GTF3C1: variants seen among roughly 807,000 people sequenced by gnomAD.
The protein encoded by GTF3C1 is general transcription factor IIIC subunit 1.
Under a neutral mutation model 226.7 loss-of-function variants are expected in GTF3C1, and 57 were observed. The ratio of observed to expected loss-of-function variants is 0.25; its 90% CI spans 0.20 to 0.31. GTF3C1 has a LOEUF of 0.31. Among genes scored for constraint, GTF3C1 ranks in the 10% least tolerant of loss-of-function variants. The pLI is 1.00. For missense variants in GTF3C1, 2,217 were observed against 2,776.1 expected (o/e 0.80, Z 4.53); for synonymous variants, 1,090 against 1,084.8 (o/e 1.00, Z -0.09).
rs746954012 is a variant in GTF3C1 at position 27,470,275 on chromosome 16, A to G, written c.4647T>C (p.Asn1549=). 3 of 1,613,990 alleles carry G rather than the reference A, an allele frequency of 1.9e-6. No individual in the cohort carries two copies. The highest frequency in any genetic ancestry group is 2.2e-5 in the East Asian group (1 of 44,882). Residue 1549 remains asparagine (N), a synonymous_variant, in exon 31 of 37, where the codon AAT becomes AAC. Transcript: ENST00000356183. This position sits in a 1 kb window ranked among gnomAD's most constrained non-coding sequence, Gnocchi z 4.9. ...CCACCATGTCGTTTGTGGGCTCGTTATTATCCTGGTCTTTGAAAGAGAAAC... is the reference window on the plus strand; with the variant it reads ...CCACCATGTCGTTTGTGGGCTCGTTGTTATCCTGGTCTTTGAAAGAGAAAC... The part of the protein sequence containing the change: ...PDRFSFKDQD[N]NEPTNDMVAF...
rs753699967 is a variant in GTF3C1 at position 27,506,024 on chromosome 16, T to G, written c.1645A>C (p.Ser549Arg). The stretch of plus-strand genomic sequence containing the variant: ...CTGGTATCTAAGAGGCTGTCCCTGC[T>G]GGCAAGGCTCTGGCAGGCTCTCTCT... ...AEERACQSLASRDSLLDTSSV... is the reference protein window; with the variant it reads ...AEERACQSLARRDSLLDTSSV... Residue 549 changes from serine (S) to arginine (R), a missense_variant, in exon 10 of 37, where the codon AGC (serine) becomes CGC (arginine). Coordinates refer to ENST00000356183, the MANE Select transcript of GTF3C1 (RefSeq NM_001520.4). 6.2e-7 allele frequency: 1 copy of G among 1,613,106 alleles called. No homozygotes were observed. Among genetic ancestry groups the G allele is most frequent in the Non-Finnish European group, 8.5e-7 (1 of 1,178,988 alleles).
intron 28 of GTF3C1, among the ~76,000 whole-genome samples, chr16:27,477,554 A>G (rs907502359): frequency 2.0e-5 from 3 of 152,198 alleles, no homozygotes; most frequent in Non-Finnish European, 2.9e-5. Flanking sequence ...ATCCGCCGGC[A>G]GCGCCCTCCC....
rs748345601 is a variant in GTF3C1, at chr16:27,492,716, A to T, written c.2877-3T>A. The T allele has an allele frequency of 6.6e-7, 1 of 1,519,536 alleles. No individual in the cohort carries two copies. Among genetic ancestry groups the T allele is most frequent in the Non-Finnish European group, 9.1e-7 (1 of 1,093,596 alleles). 94.1% of individuals were successfully genotyped at this position (1,519,536 alleles called of 1,614,324 possible). On this transcript the variant is annotated splice_region_variant and splice_polypyrimidine_tract_variant and intron_variant, in intron 17 of 36. Transcript: ENST00000356183. The surrounding 1 kb of genome is among the most constrained non-coding windows in gnomAD (Gnocchi z 5.0). ...CCACCACCGAAAAAATGTAACGCCT[A>T]GAAAACAGAGGGGGCGGGAGGTTCT...
intron 29 of GTF3C1, among the ~76,000 whole-genome samples, chr16:27,472,208 C>A (rs1398699797): frequency 6.6e-6 from 1 of 152,160 alleles, no homozygotes; most frequent in Non-Finnish European, 1.5e-5. Flanking sequence ...CACTCCCAAG[C>A]CGATTTCTTT....
intron 2 of GTF3C1, among the ~76,000 whole-genome samples, chr16:27,539,805 C>T (rs541096942): frequency 1.4e-4 from 21 of 152,240 alleles, no homozygotes; most frequent in Non-Finnish European, 2.8e-4. Flanking sequence ...AGGAGTGGGA[C>T]GTCCTTTCCA....
intron 6 of GTF3C1, among the ~76,000 whole-genome samples, chr16:27,515,027 T>C (rs146304435): frequency 1.2e-3 from 183 of 152,278 alleles, no homozygotes; most frequent in African/African-American, 4.3e-3. Flanking sequence ...CTTAAGAGGC[T>C]AATTGGCTAG....
At chr16:27,485,952 T>G in intron 24 of GTF3C1, 45 bp downstream of exon 24, 1 of 1,422,180 alleles carries the variant, frequency 7.0e-7, no homozygotes, top group South Asian at 1.3e-5. Context: ...AGGAAGGAGC[T>G]CCGAGTGAGG....
At chr16:27,479,614 A>G (rs1243173740) in intron 27 of GTF3C1, among the ~76,000 whole-genome samples, 1 of 152,126 alleles carries the variant, frequency 6.6e-6, no homozygotes, top group Non-Finnish European at 1.5e-5. Flanking sequence ...GATTACAGGC[A>G]CGTGCCACCA....
At chr16:27,483,593 G>T (rs188853325) in intron 25 of GTF3C1, among the ~76,000 whole-genome samples, 36 of 152,348 alleles carry the variant, frequency 2.4e-4, no homozygotes, top group Non-Finnish European at 4.6e-4. Flanking sequence ...AAAATGAAGG[G>T]GAAGGCGACC....
At chr16:27,517,921 C>T (rs777132882) in intron 6 of GTF3C1, among the ~76,000 whole-genome samples, 3 of 152,142 alleles carry the variant, frequency 2.0e-5, no homozygotes, top group African/African-American at 2.4e-5. Flanking sequence ...ATCAGAAGCA[C>T]GATTCATAGT....
At chr16:27,477,505 A>G (rs1182798829) in intron 28 of GTF3C1, among the ~76,000 whole-genome samples, 1 of 152,104 alleles carries the variant, frequency 6.6e-6, no homozygotes, top group African/African-American at 2.4e-5. Flanking sequence ...GGGTTTCACC[A>G]TGTTGGCCAG....
At chr16:27,520,394 C>A (rs972218136) in intron 6 of GTF3C1, among the ~76,000 whole-genome samples, 1 of 152,170 alleles carries the variant, frequency 6.6e-6, no homozygotes, top group Non-Finnish European at 1.5e-5. Context: ...GGATTACAGG[C>A]ATGAGCCACC....
chr16:27,489,189 G>A lies in GTF3C1; in HGVS notation c.3294-11C>T. On this transcript the variant is annotated splice_polypyrimidine_tract_variant and intron_variant, in intron 20 of 36. Coordinates refer to ENST00000356183, the MANE Select transcript of GTF3C1 (RefSeq NM_001520.4). Reference sequence around the variant, plus strand: ...ACCTCACGGCTTCCACTAAAAGACAGGAAATCAACAGAAAAGAGCCCTTCT... The same window carrying A: ...ACCTCACGGCTTCCACTAAAAGACAAGAAATCAACAGAAAAGAGCCCTTCT... The A allele has an allele frequency of 1.2e-6, 2 of 1,613,668 alleles. No individual in the cohort carries two copies. Among genetic ancestry groups the A allele is most frequent in the Middle Eastern group, 1.7e-4 (1 of 6,060 alleles).
Position 27,464,450 on chromosome 16 carries a change from T to TG in GTF3C1, c.5741dup (p.Ala1915SerfsTer3). 1 of 1,599,682 alleles carries TG rather than the reference T, an allele frequency of 6.3e-7. No homozygotes were observed. The highest frequency in any genetic ancestry group is 8.5e-7 in the Non-Finnish European group (1 of 1,173,566). ...CCGCTGCAGCGGTGTCTTCAAGAGC[T>TG]GGGGGTGGAGATGGGGCCTGGGCTT... On this transcript the variant is annotated frameshift_variant, in exon 34 of 37. Transcript: ENST00000356183. LOFTEE classifies it high-confidence loss of function.
At chr16:27,479,818 A>C (rs1470115861) in intron 27 of GTF3C1, among the ~76,000 whole-genome samples, 1 of 152,164 alleles carries the variant, frequency 6.6e-6, no homozygotes, top group Non-Finnish European at 1.5e-5. Flanking sequence ...TCAGGATCAC[A>C]ATCAGTATTA....
intron 10 of GTF3C1, among the ~76,000 whole-genome samples, chr16:27,504,940 A>T (rs2141399940): frequency 6.6e-6 from 1 of 152,202 alleles, no homozygotes; most frequent in South Asian, 2.1e-4. Flanking sequence ...CAAAAAAATT[A>T]ATTAATTAAA....
intron 20 of GTF3C1, 57 bp downstream of exon 20, chr16:27,489,545 G>A: frequency 7.0e-7 from 1 of 1,422,012 alleles, no homozygotes; most frequent in Non-Finnish European, 9.6e-7. Context: ...GCAGGCATCT[G>A]AAATGAGCAC....
intron 24 of GTF3C1, 98 bp from the exon 25 acceptor site, chr16:27,484,451 G>T: frequency 5.1e-6 from 4 of 789,664 alleles, no homozygotes; most frequent in South Asian, 1.6e-5. Flanking sequence ...GTTTTGTGCA[G>T]CCTCCTTCCT....
intron 1 of GTF3C1, among the ~76,000 whole-genome samples, chr16:27,547,501 G>T (rs1043413450): frequency 1.3e-5 from 2 of 151,880 alleles, no homozygotes; most frequent in South Asian, 2.1e-4. Context: ...GTTCGCTCAG[G>T]TGCCCAAACA....
Sources: allele counts gnomAD v4.1 joint callset (sites outside exome capture counted in the v4.1 genomes callset), GRCh38; gene constraint gnomAD v4.1.1; non-coding constraint Gnocchi (gnomAD v3.1); transcripts MANE v1.5; gene names NCBI Gene and HGNC (gene_info 2026-07-23, HGNC 2026-07-21).